Variants in VPS50 observed in about 807,000 individuals in gnomAD.
The protein encoded by VPS50 is syndetin.
VPS50 carries 70 observed loss-of-function variants against 139.7 expected under a neutral mutation model. The ratio of observed to expected loss-of-function variants is 0.50; its 90% CI spans 0.41 to 0.61. VPS50 has a LOEUF of 0.61. Ranked by LOEUF, VPS50 falls within the 20% of genes least tolerant of loss-of-function variation. The pLI is 0.00. For missense variants in VPS50, 921 were observed against 1,133.7 expected (o/e 0.81, Z 2.69); for synonymous variants, 365 against 376.7 (o/e 0.97, Z 0.36).
chr7:93,293,962 G>C (rs1796726579), intron 13 of VPS50, among the ~76,000 whole-genome samples: 1 of 152,092 alleles, frequency 6.6e-6, no homozygotes, highest in Admixed American at 6.6e-5. Flanking sequence ...TCACACAAAA[G>C]TTTCATCTTT....
chr7:93,256,106 G>A (rs959657783), intron 4 of VPS50, among the ~76,000 whole-genome samples: 2 of 152,128 alleles, frequency 1.3e-5, no homozygotes, highest in Non-Finnish European at 2.9e-5. Flanking sequence ...AAGGATACAA[G>A]CAAGTTCTTT....
At chr7:93,278,737 C>A (rs1156342556) in intron 12 of VPS50, among the ~76,000 whole-genome samples, 1 of 151,296 alleles carries the variant, frequency 6.6e-6, no homozygotes, top group Non-Finnish European at 1.5e-5. Context: ...CAAGAAACTT[C>A]TGGTACTTTA....
At chr7:93,289,777 C>G (rs1251411583) in intron 12 of VPS50, among the ~76,000 whole-genome samples, 1 of 152,042 alleles carries the variant, frequency 6.6e-6, no homozygotes, top group Non-Finnish European at 1.5e-5. Flanking sequence ...CTATCTTCAT[C>G]TAAGTGATGT....
At chr7:93,316,221 G>A (rs996258328) in intron 20 of VPS50, among the ~76,000 whole-genome samples, 3 of 152,080 alleles carry the variant, frequency 2.0e-5, no homozygotes, top group Admixed American at 6.5e-5. Flanking sequence ...GAAACATGAC[G>A]GGGCCTGGAG....
chr7:93,276,449 T>C (rs1796157303), intron 12 of VPS50, 144 bp downstream of exon 12: 1 of 1,289,766 alleles, frequency 7.8e-7, no homozygotes, highest in African/African-American at 1.5e-5. Flanking sequence ...CCCAAGTTGT[T>C]CTTTTCCTTA....
At chr7:93,344,373 T>A (rs542451994) in intron 23 of VPS50, among the ~76,000 whole-genome samples, 2,638 of 152,006 alleles carry the variant, frequency 0.017, 89 homozygotes, top group African/African-American at 0.06. Context: ...CTCCCACACA[T>A]TAATAATGGG....
Position 93,240,016 on chromosome 7 carries a change from A to C in VPS50, c.102+82A>C. On this transcript the variant is annotated intron_variant, in intron 2 of 27. Coordinates refer to ENST00000305866, the MANE Select transcript of VPS50 (RefSeq NM_017667.4). ...CTCTGGATAGTAATTGATTCACAGA[A>C]GCTTTTCTTTCCCACAGGCAGATGG... 4.7e-6 allele frequency: 4 copies of C among 850,974 alleles called. No homozygotes were observed. The South Asian group carries it at 5.7e-5, about 12-fold the overall frequency. The allele number at this position is 850,974 out of a possible 1,614,324, so 52.7% of individuals were successfully genotyped here.
intron 20 of VPS50, among the ~76,000 whole-genome samples, chr7:93,315,598 G>T (rs897711498): frequency 6.6e-6 from 1 of 152,096 alleles, no homozygotes; most frequent in South Asian, 2.1e-4. Flanking sequence ...CCAGCTTTGG[G>T]TACTTGCTAG....
At chr7:93,350,553 C>G (rs1334323736) in intron 25 of VPS50, among the ~76,000 whole-genome samples, 3 of 152,026 alleles carry the variant, frequency 2.0e-5, no homozygotes, top group Non-Finnish European at 2.9e-5. Context: ...ATATGTGTCA[C>G]ACGCTGATAG....
chr7:93,347,895 G>A lies in VPS50; in HGVS notation c.2208-816G>A, dbSNP rs895816347. On this transcript the variant is annotated intron_variant, in intron 23 of 27. Transcript: ENST00000305866. ...AATGCTAGATGACGAGTTAATGGGT[G>A]CAGCGCACCAGCATGGCACATGTAT... 8.6e-5 allele frequency among the ~76,000 whole-genome samples: 13 copies of A among 151,326 alleles called. No homozygotes were observed. In the East Asian group the frequency reaches 2.4e-3, roughly 27 times the overall value.
At chr7:93,318,956 A>G (rs1234723906) in intron 20 of VPS50, among the ~76,000 whole-genome samples, 1 of 152,136 alleles carries the variant, frequency 6.6e-6, no homozygotes, top group African/African-American at 2.4e-5. Context: ...AAGCTTATTC[A>G]TATATAGCAA....
At chr7:93,298,293 C>T (rs1796871203) in intron 16 of VPS50, among the ~76,000 whole-genome samples, 1 of 151,992 alleles carries the variant, frequency 6.6e-6, no homozygotes, top group Non-Finnish European at 1.5e-5. Context: ...GGGAAGGGAC[C>T]AACAGGAAGC....
chr7:93,326,476 AAAT>A (rs1417494112), intron 21 of VPS50, among the ~76,000 whole-genome samples: 1 of 151,192 alleles, frequency 6.6e-6, no homozygotes, highest in Non-Finnish European at 1.5e-5. Flanking sequence ...AAATAAAATA[AAAT>A]AATACAGTAT....
At position 93,239,158 on chromosome 7, in the gene VPS50, A is replaced by G. The variant is rs180842610; in HGVS notation, c.34-708A>G. On this transcript the variant is annotated intron_variant, in intron 1 of 27. Coordinates refer to ENST00000305866, the MANE Select transcript of VPS50 (RefSeq NM_017667.4). ...TAATAGCTAATTTTGCCTAAAAACTAATATTGCAGGGACATTAAATGTCTG... is the reference window on the plus strand; with the variant it reads ...TAATAGCTAATTTTGCCTAAAAACTGATATTGCAGGGACATTAAATGTCTG... Among the ~76,000 whole-genome samples, 61 of 152,328 alleles carry G rather than the reference A, an allele frequency of 4.0e-4. 1 individual carries two copies. Among genetic ancestry groups the G allele is most frequent in the African/African-American group, 1.4e-3 (60 of 41,582 alleles).
intron 2 of VPS50, among the ~76,000 whole-genome samples, chr7:93,243,059 G>A (rs1471991798): frequency 6.6e-6 from 1 of 151,802 alleles, no homozygotes; most frequent in Non-Finnish European, 1.5e-5. Flanking sequence ...AAACCATCTG[G>A]TACAATTTCT....
intron 12 of VPS50, 125 bp from the exon 13 acceptor site, chr7:93,291,578 T>C: frequency 1.9e-6 from 1 of 513,698 alleles, no homozygotes; most frequent in Non-Finnish European, 3.2e-6. Flanking sequence ...TCTTTAGATA[T>C]GTCAGTTGAA....
chr7:93,272,707 G>A lies in VPS50; in HGVS notation c.775G>A (p.Ala259Thr), dbSNP rs780332430. The change falls in exon 11 of 28, where the codon GCT becomes ACT. Residue 259 changes from alanine to threonine, a missense_variant. This residue lies in a region of VPS50 where 744 missense variants were observed against 930.6 expected (regional missense o/e 0.80). Coordinates refer to ENST00000305866, the MANE Select transcript of VPS50 (RefSeq NM_017667.4). ...DINHYTKVQQ[A>T]YRLLGKTQTA... ...TAACCATTATACCAAGGTTCAACAA[G>A]CTTATCGACTTCTTGGAAAAACACA... is the stretch of plus-strand genomic sequence containing the variant. 1 of 1,557,918 alleles carries A rather than the reference G, an allele frequency of 6.4e-7. No homozygotes were observed. Among genetic ancestry groups the A allele is most frequent in the Non-Finnish European group, 8.7e-7 (1 of 1,143,646 alleles).
chr7:93,240,607 ATGTGAATAGC>A (rs1170781237), intron 2 of VPS50, among the ~76,000 whole-genome samples: 3 of 152,180 alleles, frequency 2.0e-5, no homozygotes, highest in Non-Finnish European at 1.5e-5. Context: ...GGAGCTGCCC[ATGTGAATAGC>A]TGCTCCATCA....
At chr7:93,306,695 C>A (rs940463524) in intron 18 of VPS50, among the ~76,000 whole-genome samples, 2 of 151,840 alleles carry the variant, frequency 1.3e-5, no homozygotes, top group African/African-American at 4.8e-5. Flanking sequence ...GGTGTTTTCA[C>A]AGTATTTTAC....
Sources: allele counts gnomAD v4.1 joint callset (sites outside exome capture counted in the v4.1 genomes callset), GRCh38; gene constraint gnomAD v4.1.1; regional missense constraint gnomAD v4.1.1; transcripts MANE v1.5; gene names NCBI Gene and HGNC (gene_info 2026-07-23, HGNC 2026-07-21).